Variants in SEMA6D observed in about 807,000 individuals in gnomAD.
SEMA6D encodes the protein semaphorin 6D, also known as semaphorin-6D.
A neutral mutation model predicts 106.6 loss-of-function variants in SEMA6D; 35 were observed. The ratio of observed to expected loss-of-function variants is 0.33; its 90% CI spans 0.25 to 0.44. The LOEUF is 0.44. Among genes scored for constraint, SEMA6D ranks in the 20% least tolerant of loss-of-function variants. The probability of loss-of-function intolerance (pLI) is 1.00; values close to 1 mark genes in which losing one functional copy is unlikely to be tolerated. For synonymous variants in SEMA6D, 499 were observed against 487.7 expected, an observed-to-expected ratio of 1.02 and a Z score of -0.31; for missense variants, 1,185 against 1,345.9, an observed-to-expected ratio of 0.88 and a Z score of 1.87.
At chr15:47,524,883 T>C (rs924828850) in intron 3 of SEMA6D, among the ~76,000 whole-genome samples, 1 of 152,140 alleles carries the variant, frequency 6.6e-6, no homozygotes, top group Admixed American at 6.5e-5. Flanking sequence ...TGCTACTCAG[T>C]GAACCAGGTA....
intron 4 of SEMA6D, among the ~76,000 whole-genome samples, chr15:47,665,816 A>G (rs985067901): frequency 2.0e-5 from 3 of 152,234 alleles, no homozygotes; most frequent in African/African-American, 7.2e-5. Context: ...TTTCCAAAAA[A>G]ATAAATAAAT....
chr15:47,537,188 A>G (rs1419138424), intron 3 of SEMA6D, among the ~76,000 whole-genome samples: 3 of 152,248 alleles, frequency 2.0e-5, no homozygotes, highest in Non-Finnish European at 4.4e-5. Flanking sequence ...AAAAACAAAC[A>G]TTCCTCTTTT....
chr15:47,690,361 A>T (rs186972293), intron 4 of SEMA6D, among the ~76,000 whole-genome samples: 1 of 152,184 alleles, frequency 6.6e-6, no homozygotes, highest in African/African-American at 2.4e-5. Flanking sequence ...TGGAAAAAAA[A>T]CGCAAATATT....
At chr15:47,303,116 G>C (rs1446535032) in intron 1 of SEMA6D, among the ~76,000 whole-genome samples, 1 of 152,116 alleles carries the variant, frequency 6.6e-6, no homozygotes, top group African/African-American at 2.4e-5. Flanking sequence ...TTTTCTTTTA[G>C]AATAAGGGAG....
At chr15:47,511,834 C>A (rs1223232643) in intron 3 of SEMA6D, among the ~76,000 whole-genome samples, 1 of 152,034 alleles carries the variant, frequency 6.6e-6, no homozygotes, top group African/African-American at 2.4e-5. Context: ...TTTTGGCACC[C>A]CTCAGGCCAC....
chr15:47,407,389 C>CA (rs2040617329), intron 1 of SEMA6D, among the ~76,000 whole-genome samples: 4 of 83,658 alleles, frequency 4.8e-5, no homozygotes, highest in Non-Finnish European at 7.7e-5. Context: ...AAAAAAAAAC[C>CA]AAAACAACAA....
chr15:47,700,883 A>C (rs1187118035), intron 4 of SEMA6D, among the ~76,000 whole-genome samples: 2 of 152,204 alleles, frequency 1.3e-5, no homozygotes, highest in East Asian at 3.9e-4. Context: ...ATTTCAACAA[A>C]TTTTACTGTA....
intron 2 of SEMA6D, among the ~76,000 whole-genome samples, chr15:47,423,642 C>T (rs999292862): frequency 2.0e-5 from 3 of 151,882 alleles, no homozygotes; most frequent in African/African-American, 7.3e-5. Flanking sequence ...AAAAATTGTA[C>T]TTCATGTTTT....
intron 1 of SEMA6D, among the ~76,000 whole-genome samples, chr15:47,736,550 T>C (rs1249876630): frequency 1.3e-5 from 2 of 152,224 alleles, no homozygotes; most frequent in African/African-American, 4.8e-5. Context: ...TAAGGCTTAG[T>C]TTGTCGCTTA....
chr15:47,521,723 C>T (rs1479288291), intron 3 of SEMA6D, among the ~76,000 whole-genome samples: 2 of 152,274 alleles, frequency 1.3e-5, no homozygotes, highest in South Asian at 2.1e-4. Flanking sequence ...CGGTGGCTCA[C>T]GCCTGTAATC....
At chr15:47,511,599 T>C (rs1488372245) in intron 3 of SEMA6D, among the ~76,000 whole-genome samples, 4 of 152,162 alleles carry the variant, frequency 2.6e-5, no homozygotes, top group Non-Finnish European at 5.9e-5. Flanking sequence ...TGGCCTGTAA[T>C]ATATCCCTTC....
At chr15:47,761,526 T>C in intron 6 of SEMA6D, 95 bp downstream of exon 6, 1 of 1,276,276 alleles carries the variant, frequency 7.8e-7, no homozygotes, top group Non-Finnish European at 1.1e-6. Flanking sequence ...TTCCAGTAAT[T>C]TGTTTTATCT....
intron 2 of SEMA6D, among the ~76,000 whole-genome samples, chr15:47,416,241 GACAATTAAAATCC>G (rs1178393347): frequency 6.6e-6 from 1 of 152,006 alleles, no homozygotes; most frequent in Non-Finnish European, 1.5e-5. Context: ...TACCTTCTGT[GACAATTAAAATCC>G]ACCCTCATTT....
At chr15:47,286,022 A>C (rs1016938534) in intron 1 of SEMA6D, among the ~76,000 whole-genome samples, 1 of 152,230 alleles carries the variant, frequency 6.6e-6, no homozygotes, top group Non-Finnish European at 1.5e-5. Flanking sequence ...GCGCCAGCTT[A>C]ATCATTCCAT....
intron 1 of SEMA6D, among the ~76,000 whole-genome samples, chr15:47,411,503 A>T (rs1303384890): frequency 6.6e-6 from 1 of 152,188 alleles, no homozygotes. Context: ...CAGATGGTAA[A>T]TATAAAACTT....
At chr15:47,221,085 C>G (rs562770802) in intron 1 of SEMA6D, among the ~76,000 whole-genome samples, 3 of 152,170 alleles carry the variant, frequency 2.0e-5, no homozygotes, top group Non-Finnish European at 4.4e-5. Flanking sequence ...TTCTGTAGGT[C>G]CCCTGGAATC....
At chr15:47,348,727 C>CCACACAGAGAGAGAGAGAG (rs1555425939) in intron 1 of SEMA6D, among the ~76,000 whole-genome samples, 12 of 57,112 alleles carry the variant, frequency 2.1e-4, no homozygotes, top group Admixed American at 4.8e-4. Context: ...ACCACACACA[C>CCACACAGAGAGAGAGAGAG]AGAGAGAGAG....
chr15:47,501,397 A>T (rs1232034282), intron 3 of SEMA6D, among the ~76,000 whole-genome samples: 1 of 152,220 alleles, frequency 6.6e-6, no homozygotes, highest in Non-Finnish European at 1.5e-5. Context: ...AGGACACATC[A>T]GGGGTTTGCC....
intron 1 of SEMA6D, among the ~76,000 whole-genome samples, chr15:47,749,209 G>A (rs759568848): frequency 4.6e-5 from 7 of 151,464 alleles, no homozygotes; most frequent in Admixed American, 1.3e-4. Context: ...AGCCTTCCGA[G>A]TAGCTGGGAT....
Sources: allele counts gnomAD v4.1 joint callset (sites outside exome capture counted in the v4.1 genomes callset), GRCh38; gene constraint gnomAD v4.1.1; transcripts MANE v1.5; gene names NCBI Gene and HGNC (gene_info 2026-07-23, HGNC 2026-07-21).